BRD1: variants seen among roughly 807,000 people sequenced by gnomAD.
BRD1 encodes bromodomain containing 1.
A neutral mutation model predicts 107.7 loss-of-function variants in BRD1; 24 were observed. The observed-to-expected ratio is 0.22, with a 90% CI of 0.16 to 0.31. The LOEUF (loss-of-function observed/expected upper bound fraction) is 0.31. Ranked by LOEUF, BRD1 falls within the 10% of genes least tolerant of loss-of-function variation. The pLI is 1.00. For synonymous variants in BRD1, 744 were observed against 686.1 expected (o/e 1.08, Z -1.32); for missense variants, 1,279 against 1,638.6 (o/e 0.78, Z 3.79).
At chr22:49,814,325 C>A (rs1392617637) in intron 2 of BRD1, among the ~76,000 whole-genome samples, 1 of 152,230 alleles carries the variant, frequency 6.6e-6, no homozygotes, top group Non-Finnish European at 1.5e-5. Context: ...ACACGCAGAC[C>A]CCATGCCAGG....
intron 2 of BRD1, among the ~76,000 whole-genome samples, chr22:49,813,897 G>A (rs1242496515): frequency 2.0e-5 from 3 of 152,080 alleles, no homozygotes. Flanking sequence ...CTGCAGAGTG[G>A]GGACGAGTTT....
At position 49,777,691 on chromosome 22, in the gene BRD1, G is replaced by A; in HGVS notation, c.2980C>T (p.Leu994Phe). ...ESSISSSNSP[L>F]CDSSFNAPKC... ...CGCGGTGCCCACCTCGAGTCGCAGAGCGGGCTGTTGCTGGAGGAGATGCTG... is the reference window on the plus strand; with the variant it reads ...CGCGGTGCCCACCTCGAGTCGCAGAACGGGCTGTTGCTGGAGGAGATGCTG... The change falls in exon 9 of 13, where the codon CTC (leucine) becomes TTC (phenylalanine). Residue 994 changes from leucine to phenylalanine, a missense_variant. Leu to Phe is a conservative substitution (Grantham distance 22). Coordinates refer to ENST00000404760, the MANE Select transcript of BRD1 (RefSeq NM_001304808.3). 6.2e-7 allele frequency: 1 copy of A among 1,607,764 alleles called. No homozygotes were observed. The highest frequency in any genetic ancestry group is 8.5e-7 in the Non-Finnish European group (1 of 1,178,228).
intron 12 of BRD1, 54 bp downstream of exon 12, chr22:49,775,537 C>T: frequency 7.5e-7 from 1 of 1,327,068 alleles, no homozygotes; most frequent in Non-Finnish European, 9.7e-7. Flanking sequence ...TCACCGAGCC[C>T]ACGGCCCCCA....
chr22:49,778,003 A>G (rs1289277732), intron 8 of BRD1, among the ~76,000 whole-genome samples, 190 bp from the exon 9 acceptor site: 1 of 152,264 alleles, frequency 6.6e-6, no homozygotes, highest in East Asian at 1.9e-4. Context: ...TTACTCGTTA[A>G]ATGAAATCAA....
intron 8 of BRD1, among the ~76,000 whole-genome samples, chr22:49,778,246 GAC>G (rs1235560563): frequency 2.0e-5 from 3 of 152,228 alleles, no homozygotes; most frequent in African/African-American, 4.8e-5. Flanking sequence ...GGCCACCAAA[GAC>G]ACAAAAACAT....
At chr22:49,786,359 G>T (rs2059324405) in intron 8 of BRD1, among the ~76,000 whole-genome samples, 1 of 152,082 alleles carries the variant, frequency 6.6e-6, no homozygotes, top group African/African-American at 2.4e-5. Context: ...TCCTCTGAGG[G>T]GCGGGGAGCA....
chr22:49,777,631 C>G, intron 9 of BRD1, 47 bp downstream of exon 9: 1 of 1,580,050 alleles, frequency 6.3e-7, no homozygotes, highest in Non-Finnish European at 8.6e-7. Context: ...GCGGGGCGGG[C>G]GGTGCTGGGA....
At chr22:49,791,241 C>CT (rs2059427966) in intron 7 of BRD1, among the ~76,000 whole-genome samples, 1 of 152,252 alleles carries the variant, frequency 6.6e-6, no homozygotes, top group Admixed American at 6.5e-5. Context: ...ACTCGGCAGA[C>CT]TGAGTCGCGG....
chr22:49,824,819 A>C lies in BRD1; in HGVS notation c.-14-488T>G. 2 of 998,896 alleles carry C rather than the reference A, an allele frequency of 2.0e-6. No homozygotes were observed. The highest frequency in any genetic ancestry group is 4.3e-5 in the South Asian group (1 of 23,248). The allele number at this position is 998,896 out of a possible 1,614,324, so 61.9% of individuals were successfully genotyped here. On this transcript the variant is annotated intron_variant, in intron 1 of 12. Transcript: ENST00000404760. This position sits in a 1 kb window ranked among gnomAD's most constrained non-coding sequence, Gnocchi z 5.9. ...TCCTATCGGATGCTCCCCCTAAACC[A>C]CTCTTCCCCTCCCCACTACTCCCAG...
At chr22:49,798,941 G>A (rs771319305) in intron 4 of BRD1, 47 bp downstream of exon 4, 139 of 1,553,510 alleles carry the variant, frequency 8.9e-5, no homozygotes, top group Admixed American at 4.0e-4. Flanking sequence ...TCCCACCCAC[G>A]CCCCGTGGCC....
intron 2 of BRD1, among the ~76,000 whole-genome samples, chr22:49,805,038 C>A (rs552518950): frequency 6.6e-6 from 1 of 152,336 alleles, no homozygotes; most frequent in South Asian, 2.1e-4. Flanking sequence ...ACCTTAGACA[C>A]TGTCCACTCA....
At chr22:49,815,272 C>T (rs2059928000) in intron 2 of BRD1, among the ~76,000 whole-genome samples, 1 of 152,192 alleles carries the variant, frequency 6.6e-6, no homozygotes, top group South Asian at 2.1e-4. Context: ...GGCACAGTGG[C>T]TTATGCCTGT....
At position 49,799,246 on chromosome 22, in the gene BRD1, G is replaced by A. The variant is rs1218740632; in HGVS notation, c.1525-127C>T. ...GGTCCTGCAGGCCCATCCTGGGGAGGACAACAGACCACCCTCACTAGAGAG... is the reference window on the plus strand; with the variant it reads ...GGTCCTGCAGGCCCATCCTGGGGAGAACAACAGACCACCCTCACTAGAGAG... On this transcript the variant is annotated intron_variant, in intron 3 of 12. Transcript: ENST00000404760. 7 of 1,230,712 alleles carry A rather than the reference G, an allele frequency of 5.7e-6. No homozygotes were observed. In the African/African-American group the frequency reaches 1.1e-4, roughly 19 times the overall value. The allele number at this position is 1,230,712 out of a possible 1,614,324, so 76.2% of individuals were successfully genotyped here. A position where few individuals can be genotyped will look rare whatever the true frequency, so the allele number is the denominator to read the frequency against.
At chr22:49,789,037 G>A (rs941091113) in intron 7 of BRD1, among the ~76,000 whole-genome samples, 2 of 152,196 alleles carry the variant, frequency 1.3e-5, no homozygotes, top group Admixed American at 1.3e-4. Flanking sequence ...GGGCCATGAC[G>A]CCGGGCAGCA....
At chr22:49,775,820 C>G (rs1448686377) in intron 11 of BRD1, 75 bp from the exon 12 acceptor site, 10 of 1,360,686 alleles carry the variant, frequency 7.3e-6, no homozygotes, top group South Asian at 1.6e-5. Context: ...CTGGCACCCC[C>G]CCCCGCCTCC....
chr22:49,778,230 C>T (rs1392254153), intron 8 of BRD1, among the ~76,000 whole-genome samples: 1 of 152,116 alleles, frequency 6.6e-6, no homozygotes, highest in Non-Finnish European at 1.5e-5. Context: ...TTCACCAGGC[C>T]GAAGGGGCCA....
intron 3 of BRD1, among the ~76,000 whole-genome samples, chr22:49,799,633 A>G (rs910656659): frequency 6.6e-5 from 10 of 152,184 alleles, no homozygotes; most frequent in Non-Finnish European, 7.4e-5. Flanking sequence ...CCTGCCCTGC[A>G]CAGCGCCTCC....
chr22:49,814,143 T>C (rs570923060), intron 2 of BRD1, among the ~76,000 whole-genome samples: 3 of 152,248 alleles, frequency 2.0e-5, no homozygotes, highest in Non-Finnish European at 2.9e-5. Context: ...ACTTCTAAAG[T>C]TGAGTGAAAG....
intron 7 of BRD1, among the ~76,000 whole-genome samples, chr22:49,791,256 G>C (rs1055370015): frequency 3.3e-5 from 5 of 152,228 alleles, no homozygotes; most frequent in African/African-American, 7.2e-5. Flanking sequence ...TCGCGGCTAC[G>C]GCAGAGCCTG....
Sources: allele counts gnomAD v4.1 joint callset (sites outside exome capture counted in the v4.1 genomes callset), GRCh38; gene constraint gnomAD v4.1.1; non-coding constraint Gnocchi (gnomAD v3.1); transcripts MANE v1.5; gene names NCBI Gene and HGNC (gene_info 2026-07-23, HGNC 2026-07-21).